Variants in CAMK1D observed in about 807,000 individuals in gnomAD.
The protein encoded by CAMK1D is calcium/calmodulin dependent protein kinase ID.
In CAMK1D, 9 loss-of-function variants were observed where a neutral mutation model predicts 47.7. That is an observed-to-expected ratio of 0.19 (90% CI 0.11 to 0.33). The LOEUF is 0.33. Ranked by LOEUF, CAMK1D falls within the 10% of genes least tolerant of loss-of-function variation. CAMK1D has a pLI of 1.00. For synonymous variants in CAMK1D, 184 were observed against 184.9 expected, an observed-to-expected ratio of 0.99 and a Z score of 0.04; for missense variants, 291 against 488.7, an observed-to-expected ratio of 0.60 and a Z score of 3.81.
chr10:12,547,962 G>T (rs1438342456), intron 1 of CAMK1D, among the ~76,000 whole-genome samples: 1 of 152,182 alleles, frequency 6.6e-6, no homozygotes, highest in Non-Finnish European at 1.5e-5. Context: ...CGGAGCGATG[G>T]CAGCTCATCT....
At chr10:12,787,670 T>C (rs1313803202) in intron 5 of CAMK1D, among the ~76,000 whole-genome samples, 1 of 152,254 alleles carries the variant, frequency 6.6e-6, no homozygotes, top group East Asian at 1.9e-4. Flanking sequence ...TTTGGGCTTC[T>C]TTCTTTACCC....
chr10:12,669,806 C>T (rs1392604067), intron 3 of CAMK1D, among the ~76,000 whole-genome samples: 1 of 151,824 alleles, frequency 6.6e-6, no homozygotes, highest in African/African-American at 2.4e-5. Flanking sequence ...TTGTGTCTGG[C>T]TTATTTCACT....
chr10:12,408,979 G>A (rs899150294), intron 1 of CAMK1D, among the ~76,000 whole-genome samples: 24 of 150,156 alleles, frequency 1.6e-4, no homozygotes, highest in Admixed American at 6.7e-5. Flanking sequence ...TCAGCCTCCC[G>A]AGTAGTAGTT....
intron 7 of CAMK1D, 140 bp downstream of exon 7, chr10:12,814,447 G>A: frequency 1.8e-6 from 1 of 550,412 alleles, no homozygotes; most frequent in Non-Finnish European, 3.3e-6. Flanking sequence ...GCTGTAACAA[G>A]ATACCATAGA....
At chr10:12,469,939 G>T (rs1454263757) in intron 1 of CAMK1D, among the ~76,000 whole-genome samples, 1 of 151,934 alleles carries the variant, frequency 6.6e-6, no homozygotes, top group Admixed American at 6.6e-5. Flanking sequence ...ACTTTATCAG[G>T]GCATATTCTG....
intron 1 of CAMK1D, among the ~76,000 whole-genome samples, chr10:12,388,143 C>T (rs984482903): frequency 1.3e-5 from 2 of 152,172 alleles, no homozygotes; most frequent in Non-Finnish European, 2.9e-5. Flanking sequence ...CTGGCTCAGC[C>T]TCCCAAGTAG....
At chr10:12,455,962 C>T (rs1833230734) in intron 1 of CAMK1D, among the ~76,000 whole-genome samples, 1 of 152,178 alleles carries the variant, frequency 6.6e-6, no homozygotes, top group Non-Finnish European at 1.5e-5. Context: ...GCACCCCGCC[C>T]ATAATAAATG....
chr10:12,684,714 C>T (rs533034392), intron 3 of CAMK1D, among the ~76,000 whole-genome samples: 85 of 152,116 alleles, frequency 5.6e-4, no homozygotes, highest in African/African-American at 2.0e-3. Context: ...TTATACATCC[C>T]TATTTGTAAT....
At chr10:12,799,921 A>G (rs1177240309) in intron 6 of CAMK1D, among the ~76,000 whole-genome samples, 1 of 152,054 alleles carries the variant, frequency 6.6e-6, no homozygotes, top group Non-Finnish European at 1.5e-5. Flanking sequence ...CTTTCTAAGG[A>G]GTGGGTTTCC....
intron 1 of CAMK1D, among the ~76,000 whole-genome samples, chr10:12,481,911 G>A (rs139778117): frequency 0.013 from 2,039 of 152,300 alleles, 23 homozygotes; most frequent in Middle Eastern, 0.024. Flanking sequence ...CAGGGAGCTC[G>A]GGCCTGCAGT....
At chr10:12,465,114 G>A (rs540647830) in intron 1 of CAMK1D, among the ~76,000 whole-genome samples, 1 of 152,296 alleles carries the variant, frequency 6.6e-6, no homozygotes, top group South Asian at 2.1e-4. Context: ...TATGTGCAGA[G>A]GTTTAATGGT....
chr10:12,513,080 C>T (rs78179519), intron 1 of CAMK1D, among the ~76,000 whole-genome samples: 235 of 152,268 alleles, frequency 1.5e-3, no homozygotes, highest in African/African-American at 5.5e-3. Context: ...AAAGGGGATC[C>T]GTCTTTGTCA....
chr10:12,693,793 G>C, intron 3 of CAMK1D, among the ~76,000 whole-genome samples: 1 of 146,652 alleles, frequency 6.8e-6, no homozygotes, highest in Admixed American at 7.2e-5. Flanking sequence ...ATAAATCCTC[G>C]ATTCACTTGA....
chr10:12,366,354 CAGTA>C (rs1240636463), intron 1 of CAMK1D, among the ~76,000 whole-genome samples: 1 of 152,022 alleles, frequency 6.6e-6, no homozygotes, highest in Non-Finnish European at 1.5e-5. Flanking sequence ...ATAAAGAAGA[CAGTA>C]AGAATCAGTT....
chr10:12,460,524 C>G (rs1177661693), intron 1 of CAMK1D, among the ~76,000 whole-genome samples: 1 of 152,174 alleles, frequency 6.6e-6, no homozygotes, highest in Admixed American at 6.5e-5. Flanking sequence ...CCTCCTCCTC[C>G]TGGGTTCAAG....
intron 7 of CAMK1D, among the ~76,000 whole-genome samples, chr10:12,814,766 G>A: frequency 6.6e-6 from 1 of 150,916 alleles, no homozygotes; most frequent in East Asian, 2.3e-4. Flanking sequence ...TGAACTGTGG[G>A]GGATTAACAA....
At chr10:12,728,672 A>C (rs953684458) in intron 3 of CAMK1D, among the ~76,000 whole-genome samples, 25 of 152,220 alleles carry the variant, frequency 1.6e-4, no homozygotes, top group African/African-American at 6.0e-4. Flanking sequence ...AGGATGAGGC[A>C]GATCGGTTTC....
At chr10:12,500,290 A>G (rs1273609390) in intron 1 of CAMK1D, among the ~76,000 whole-genome samples, 2 of 152,102 alleles carry the variant, frequency 1.3e-5, no homozygotes, top group Non-Finnish European at 1.5e-5. Flanking sequence ...AAAAACAAAA[A>G]CAAAACCCAC....
chr10:12,421,511 C>CTTTTTTTTTTTTTTTTTTTTTTTTTT (rs71384322), intron 1 of CAMK1D, among the ~76,000 whole-genome samples: 1 of 50,732 alleles, frequency 2.0e-5, no homozygotes, highest in Non-Finnish European at 3.3e-5. Flanking sequence ...ATCCAGGATT[C>CTTTTTTTTTTTTTTTTTTTTTTTTTT]TTTTTTTTTT....
Sources: allele counts gnomAD v4.1 joint callset (sites outside exome capture counted in the v4.1 genomes callset), GRCh38; gene constraint gnomAD v4.1.1; transcripts MANE v1.5; gene names NCBI Gene and HGNC (gene_info 2026-07-23, HGNC 2026-07-21).